PARD3B: variants seen among roughly 807,000 people sequenced by gnomAD.
The protein encoded by PARD3B is par-3 family cell polarity regulator beta.
Under a neutral mutation model 130.2 loss-of-function variants are expected in PARD3B, and 103 were observed. The ratio of observed to expected loss-of-function variants is 0.79; its 90% confidence interval spans 0.67 to 0.93. The LOEUF (loss-of-function observed/expected upper bound fraction) is 0.93, where lower values mean the gene tolerates loss of function less well. PARD3B is among the 40% of genes least tolerant of loss of function. The pLI is 0.00. For missense variants in PARD3B, 1,609 were observed against 1,499.2 expected, an observed-to-expected ratio of 1.07 and a Z score of -1.21; for synonymous variants, 583 against 553.2, an observed-to-expected ratio of 1.05 and a Z score of -0.76.
chr2:204,554,917 A>G (rs1001454022), intron 1 of PARD3B, among the ~76,000 whole-genome samples: 3 of 152,208 alleles, frequency 2.0e-5, no homozygotes, highest in Non-Finnish European at 4.4e-5. Context: ...GAGGGCTACC[A>G]TCATTCCCTT....
intron 3 of PARD3B, among the ~76,000 whole-genome samples, chr2:205,047,266 A>G (rs971282651): frequency 6.6e-6 from 1 of 152,142 alleles, no homozygotes; most frequent in Non-Finnish European, 1.5e-5. Flanking sequence ...TTTAATACTC[A>G]CATATATTTT....
At chr2:204,867,919 T>C (rs2045489422) in intron 2 of PARD3B, among the ~76,000 whole-genome samples, 1 of 152,180 alleles carries the variant, frequency 6.6e-6, no homozygotes, top group Non-Finnish European at 1.5e-5. Flanking sequence ...CTACACCTTC[T>C]ACTGTAAAAA....
rs558947603 is a variant in PARD3B, at chr2:204,786,413, G to A, written c.222+100131G>A. On this transcript the variant is annotated intron_variant, in intron 2 of 22. Coordinates refer to ENST00000406610, the MANE Select transcript of PARD3B (RefSeq NM_001302769.2). The stretch of plus-strand genomic sequence containing the variant: ...GGCTTTCTTGTGCAAGGTGCCTTGA[G>A]CATGTCTTCTGTTTGCTTGCTTTTG... Among the ~76,000 whole-genome samples, 4 of 152,164 alleles carry A rather than the reference G, an allele frequency of 2.6e-5. No individual in the cohort carries two copies. In the East Asian group the frequency reaches 7.8e-4, roughly 30 times the overall value.
chr2:205,344,681 C>T (rs1428489837), intron 18 of PARD3B, among the ~76,000 whole-genome samples: 1 of 152,122 alleles, frequency 6.6e-6, no homozygotes, highest in East Asian at 1.9e-4. Context: ...TACTGGGAGC[C>T]ACCGGTTTTA....
At chr2:205,335,908 G>A (rs62171500) in intron 18 of PARD3B, among the ~76,000 whole-genome samples, 5,219 of 152,176 alleles carry the variant, frequency 0.034, 106 homozygotes, top group Middle Eastern at 0.058. Flanking sequence ...AGAACAGCAC[G>A]GGTAAGAACA....
intron 1 of PARD3B, among the ~76,000 whole-genome samples, chr2:204,657,218 C>G (rs1238817866): frequency 1.3e-5 from 2 of 152,194 alleles, no homozygotes; most frequent in Non-Finnish European, 2.9e-5. Flanking sequence ...CTTGTTCATA[C>G]TTAACCATAC....
At chr2:204,852,325 GTATGTATA>G (rs1211548115) in intron 2 of PARD3B, among the ~76,000 whole-genome samples, 1 of 152,018 alleles carries the variant, frequency 6.6e-6, no homozygotes, top group Non-Finnish European at 1.5e-5. Context: ...ATAGAGGCTT[GTATGTATA>G]TATGTATATA....
intron 1 of PARD3B, among the ~76,000 whole-genome samples, chr2:204,559,792 T>C (rs1211975975): frequency 1.3e-5 from 2 of 152,208 alleles, no homozygotes; most frequent in Non-Finnish European, 2.9e-5. Flanking sequence ...CCAACCCAAA[T>C]GTCCATCAAT....
At chr2:204,696,693 A>G (rs907986640) in intron 2 of PARD3B, among the ~76,000 whole-genome samples, 19 of 152,106 alleles carry the variant, frequency 1.2e-4, no homozygotes, top group African/African-American at 4.6e-4. Context: ...TTAATATCAC[A>G]TTTAGAAAGA....
intron 2 of PARD3B, among the ~76,000 whole-genome samples, chr2:204,893,985 A>G (rs936597749): frequency 5.9e-5 from 9 of 152,190 alleles, no homozygotes; most frequent in African/African-American, 1.9e-4. Context: ...AAGTAAATCT[A>G]TTTTATATAG....
chr2:204,817,436 T>A (rs1279549349), intron 2 of PARD3B, among the ~76,000 whole-genome samples: 1 of 152,280 alleles, frequency 6.6e-6, no homozygotes, highest in East Asian at 1.9e-4. Flanking sequence ...AGTCTACATG[T>A]AACTACCCAC....
At chr2:205,065,464 GTATTTTT>G (rs1700315089) in intron 4 of PARD3B, among the ~76,000 whole-genome samples, 1 of 152,078 alleles carries the variant, frequency 6.6e-6, no homozygotes, top group African/African-American at 2.4e-5. Context: ...CCCTAAATAC[GTATTTTT>G]TATTTCATTC....
intron 22 of PARD3B, among the ~76,000 whole-genome samples, chr2:205,595,936 A>AT (rs369061573): frequency 6.6e-6 from 1 of 150,962 alleles, no homozygotes; most frequent in Non-Finnish European, 1.5e-5. Flanking sequence ...CAAAAAAAAA[A>AT]GAAGAAGTAA....
intron 21 of PARD3B, among the ~76,000 whole-genome samples, chr2:205,510,369 G>T (rs1419907481): frequency 1.3e-5 from 2 of 152,144 alleles, no homozygotes; most frequent in Admixed American, 6.5e-5. Context: ...AGCCTCTTCG[G>T]TTATTCCAGA....
rs1190520906 is a variant in PARD3B, at chr2:205,183,766, G to GTA, written c.1925-1997_1925-1996insAT. ...TGTGTGTGTGTGTGTGTGTGTGTGT[G>GTA]TGTGTGTGAACAGATTTATGATAAG... On this transcript the variant is annotated intron_variant, in intron 13 of 22. Coordinates refer to ENST00000406610, the MANE Select transcript of PARD3B (RefSeq NM_001302769.2). This position sits in a 1 kb window ranked among gnomAD's most constrained non-coding sequence, Gnocchi z 5.2. 6.6e-6 allele frequency among the ~76,000 whole-genome samples: 1 copy of GTA among 151,338 alleles called. No individual in the cohort carries two copies. The highest frequency in any genetic ancestry group is 1.5e-5 in the Non-Finnish European group (1 of 67,906).
intron 19 of PARD3B, among the ~76,000 whole-genome samples, chr2:205,406,153 G>T (rs148898936): frequency 6.6e-6 from 1 of 152,252 alleles, no homozygotes; most frequent in Admixed American, 6.5e-5. Flanking sequence ...TCTCATGCTT[G>T]AAGAACTGTC....
intron 4 of PARD3B, among the ~76,000 whole-genome samples, chr2:205,088,802 T>C (rs2125533411): frequency 6.6e-6 from 1 of 151,182 alleles, no homozygotes; most frequent in African/African-American, 2.4e-5. Context: ...ATGACTGTCT[T>C]TTTTTTTTTT....
At chr2:205,193,644 C>T (rs552274989) in intron 15 of PARD3B, among the ~76,000 whole-genome samples, 2 of 152,324 alleles carry the variant, frequency 1.3e-5, no homozygotes, top group South Asian at 2.1e-4. Context: ...TTTGCATTTG[C>T]ACCCTCGCTT....
intron 21 of PARD3B, among the ~76,000 whole-genome samples, chr2:205,545,808 C>G (rs542290003): frequency 6.6e-6 from 1 of 152,208 alleles, no homozygotes; most frequent in East Asian, 1.9e-4. Context: ...CTTTTATTTT[C>G]AATGAATTGT....
Sources: gnomAD v4.1 joint callset for allele counts (sites outside exome capture counted in the v4.1 genomes callset) on GRCh38, gnomAD v4.1.1 for gene constraint, Gnocchi (gnomAD v3.1) non-coding constraint, MANE v1.5 for transcripts, NCBI Gene and HGNC (gene_info 2026-07-23, HGNC 2026-07-21) for gene names.